NOL4: variants seen among roughly 807,000 people sequenced by gnomAD.
NOL4 encodes cancer/testis antigen 125.
Under a neutral mutation model 75.9 loss-of-function variants are expected in NOL4, and 17 were observed. The observed-to-expected ratio is 0.22, with a 90% CI of 0.15 to 0.34. The LOEUF (loss-of-function observed/expected upper bound fraction) is 0.34, where lower values mean the gene tolerates loss of function less well. Among genes scored for constraint, NOL4 ranks in the 10% least tolerant of loss-of-function variants. NOL4 has a pLI of 1.00. For missense variants in NOL4, 614 were observed against 793.5 expected (o/e 0.77, Z 2.72); for synonymous variants, 292 against 289.9 (o/e 1.01, Z -0.07).
At chr18:33,911,997 G>A (rs1296465205) in intron 9 of NOL4, among the ~76,000 whole-genome samples, 1 of 152,018 alleles carries the variant, frequency 6.6e-6, no homozygotes, top group African/African-American at 2.4e-5. Context: ...ACAGAATTGG[G>A]GATGGGACCT....
At chr18:33,943,936 CATG>C (rs1599964887) in intron 8 of NOL4, among the ~76,000 whole-genome samples, 1 of 151,818 alleles carries the variant, frequency 6.6e-6, no homozygotes, top group Admixed American at 6.6e-5. Context: ...CAATATCATT[CATG>C]ATAACCATAA....
chr18:33,967,708 C>T (rs968870960), intron 6 of NOL4, among the ~76,000 whole-genome samples: 3 of 152,110 alleles, frequency 2.0e-5, no homozygotes, highest in African/African-American at 7.2e-5. Flanking sequence ...ATGAAAAAAT[C>T]TTCATCATAA....
rs1292295295 is a variant in NOL4 at position 33,929,808 on chromosome 18, C to G, written c.1542+13257G>C. ...TATTTTTATCCTACTAATCATATTC[C>G]TTGTTGATACAGATATATTAAATAC... On this transcript the variant is annotated intron_variant, in intron 9 of 10. Transcript: ENST00000261592. 2.0e-5 allele frequency among the ~76,000 whole-genome samples: 3 copies of G among 151,962 alleles called. No individual in the cohort carries two copies. In the East Asian group the frequency reaches 5.8e-4, roughly 29 times the overall value.
intron 9 of NOL4, among the ~76,000 whole-genome samples, chr18:33,886,511 G>T (rs2144732788): frequency 6.8e-6 from 1 of 147,490 alleles, no homozygotes; most frequent in Admixed American, 6.8e-5. Context: ...CTGGGCAACA[G>T]AGTGAGACTC....
chr18:34,073,383 T>G (rs937550297), intron 5 of NOL4, among the ~76,000 whole-genome samples: 1 of 151,946 alleles, frequency 6.6e-6, no homozygotes. Flanking sequence ...CCCATGGATA[T>G]CCCAAAATCC....
intron 5 of NOL4, among the ~76,000 whole-genome samples, chr18:34,052,462 A>G (rs1600406160): frequency 6.6e-6 from 1 of 152,092 alleles, no homozygotes; most frequent in Non-Finnish European, 1.5e-5. Flanking sequence ...TACTGAAAGA[A>G]GTTAAGGAAA....
At chr18:34,000,338 A>G (rs2073608636) in intron 6 of NOL4, among the ~76,000 whole-genome samples, 1 of 150,288 alleles carries the variant, frequency 6.7e-6, no homozygotes. Flanking sequence ...TGTCAATGTC[A>G]GAATTTCCTT....
At position 34,223,008 on chromosome 18, in the gene NOL4, G is replaced by A. The variant is rs777292483; in HGVS notation, c.246C>T (p.Tyr82=). ...CACTCACCGTGGTCTTGACAGGCACGTAGAGCACTTGCTTGGCGCCGCCGC... is the reference window on the plus strand; with the variant it reads ...CACTCACCGTGGTCTTGACAGGCACATAGAGCACTTGCTTGGCGCCGCCGC... ...GGGGGAKQVL[Y]VPVKTTDGVG... The change falls in exon 1 of 11, where the codon TAC becomes TAT. Residue 82 remains tyrosine (Y), a synonymous_variant. Transcript: ENST00000261592. 1.2e-6 allele frequency: 2 copies of A among 1,609,270 alleles called. No homozygotes were observed. Among genetic ancestry groups the A allele is most frequent in the Non-Finnish European group, 1.7e-6 (2 of 1,179,856 alleles).
At chr18:33,988,314 T>C (rs1275626943) in intron 6 of NOL4, among the ~76,000 whole-genome samples, 1 of 152,046 alleles carries the variant, frequency 6.6e-6, no homozygotes, top group Non-Finnish European at 1.5e-5. Context: ...CTTCTATACA[T>C]GGGAGTGGCC....
intron 2 of NOL4, among the ~76,000 whole-genome samples, chr18:34,118,093 C>T (rs2079947399): frequency 6.6e-6 from 1 of 152,082 alleles, no homozygotes; most frequent in Admixed American, 6.5e-5. Context: ...TTAGAGCAAA[C>T]AATAATTAAT....
At chr18:34,105,758 T>C (rs1264915261) in intron 2 of NOL4, among the ~76,000 whole-genome samples, 1 of 152,004 alleles carries the variant, frequency 6.6e-6, no homozygotes, top group South Asian at 2.1e-4. Flanking sequence ...TCATTTTATG[T>C]CAATTTTTTA....
chr18:33,960,288 T>C (rs2145760577), intron 6 of NOL4, among the ~76,000 whole-genome samples: 2 of 152,202 alleles, frequency 1.3e-5, no homozygotes, highest in Middle Eastern at 6.8e-3. Flanking sequence ...ATGCAGATAA[T>C]TACAGTTTCT....
chr18:34,078,001 T>C (rs2077825948), intron 5 of NOL4, among the ~76,000 whole-genome samples: 2 of 152,182 alleles, frequency 1.3e-5, no homozygotes, highest in African/African-American at 2.4e-5. Flanking sequence ...AAAGTCCTTA[T>C]ACATGCTTAA....
intron 6 of NOL4, among the ~76,000 whole-genome samples, chr18:33,974,097 T>A (rs7506690): frequency 0.19 from 29,195 of 152,136 alleles, 3,093 homozygotes; most frequent in East Asian, 0.4. Context: ...GCCACCATCA[T>A]CAATAATACT....
At chr18:34,118,306 C>A (rs995506662) in intron 2 of NOL4, among the ~76,000 whole-genome samples, 3 of 152,104 alleles carry the variant, frequency 2.0e-5, no homozygotes, top group African/African-American at 7.2e-5. Flanking sequence ...TCCTGCAGAT[C>A]ATGGATAAAG....
chr18:34,137,791 C>T (rs932001281), intron 1 of NOL4, among the ~76,000 whole-genome samples: 1 of 151,246 alleles, frequency 6.6e-6, no homozygotes, highest in Admixed American at 6.6e-5. Context: ...CACACACACA[C>T]ACACACACAC....
At chr18:33,968,427 T>C (rs986230323) in intron 6 of NOL4, among the ~76,000 whole-genome samples, 2 of 152,180 alleles carry the variant, frequency 1.3e-5, no homozygotes, top group African/African-American at 4.8e-5. Flanking sequence ...ATGGTACATA[T>C]ACATCATGGA....
intron 9 of NOL4, among the ~76,000 whole-genome samples, chr18:33,923,197 T>C (rs1265014127): frequency 6.6e-6 from 1 of 152,100 alleles, no homozygotes; most frequent in African/African-American, 2.4e-5. Context: ...TTTGTCTTCC[T>C]TTCTTGATGT....
chr18:34,079,834 G>C (rs2077920299), intron 5 of NOL4, among the ~76,000 whole-genome samples: 1 of 152,042 alleles, frequency 6.6e-6, no homozygotes, highest in Admixed American at 6.5e-5. Flanking sequence ...CCTGCATCTT[G>C]CAAGTCAAAG....
Sources: gnomAD v4.1 joint callset for allele counts (sites outside exome capture counted in the v4.1 genomes callset) on GRCh38, gnomAD v4.1.1 for gene constraint, MANE v1.5 for transcripts, NCBI Gene and HGNC (gene_info 2026-07-23, HGNC 2026-07-21) for gene names.